EIF4E3: variants seen among roughly 807,000 people sequenced by gnomAD.
EIF4E3 encodes the protein eukaryotic translation initiation factor 4E type 3.
EIF4E3 carries 26 observed loss-of-function variants against 31.7 expected under a neutral mutation model. The ratio of observed to expected loss-of-function variants is 0.82; its 90% CI spans 0.60 to 1.14. EIF4E3 has a LOEUF of 1.14. Among genes scored for constraint, EIF4E3 ranks in the 50% most tolerant of loss-of-function variants. The pLI is 0.00. For missense variants in EIF4E3, 304 were observed against 270.9 expected (o/e 1.12, Z -0.86); for synonymous variants, 128 against 107.7 (o/e 1.19, Z -1.17).
intron 1 of EIF4E3, among the ~76,000 whole-genome samples, chr3:71,738,496 A>G (rs184495192): frequency 3.0e-4 from 46 of 152,368 alleles, no homozygotes; most frequent in African/African-American, 8.7e-4. Flanking sequence ...ATAACCCCAC[A>G]AAGTTAAGAG....
chr3:71,730,659 T>C (rs1254943723), intron 1 of EIF4E3, among the ~76,000 whole-genome samples: 1 of 152,182 alleles, frequency 6.6e-6, no homozygotes, highest in Non-Finnish European at 1.5e-5. Context: ...CTATCAGACA[T>C]TGAGTTCTCG....
At chr3:71,662,031 A>C in the EIF4E3 span, among the ~76,000 whole-genome samples, 1 of 152,224 alleles carries the variant, frequency 6.6e-6, no homozygotes, top group African/African-American at 2.4e-5. Flanking sequence ...AATTTGTAAA[A>C]GAGTCTGGCA....
At chr3:71,694,043 T>G (rs138463053) in intron 4 of EIF4E3, 102 bp from the exon 5 acceptor site, 1 of 1,174,648 alleles carries the variant, frequency 8.5e-7, no homozygotes, top group Non-Finnish European at 1.2e-6. Flanking sequence ...CAACTTCACA[T>G]GCACTTTCTG....
At chr3:71,725,568 G>T (rs1188518943), upstream of EIF4E3, among the ~76,000 whole-genome samples, 1 of 151,450 alleles carries the variant, frequency 6.6e-6, no homozygotes, top group African/African-American at 2.4e-5. The surrounding 1 kb of genome is among the most constrained non-coding windows in gnomAD (Gnocchi z 6.1). Context: ...GGCCGGGCCG[G>T]GGCCGCCGAA....
chr3:71,702,410 G>A (rs865798980), intron 2 of EIF4E3, among the ~76,000 whole-genome samples: 9 of 152,122 alleles, frequency 5.9e-5, no homozygotes, highest in African/African-American at 1.2e-4. Context: ...GTCATACCCC[G>A]GTCAAAGTTG....
the EIF4E3 span, among the ~76,000 whole-genome samples, chr3:71,660,507 G>C: frequency 6.6e-6 from 1 of 152,182 alleles, no homozygotes; most frequent in African/African-American, 2.4e-5. Flanking sequence ...TCTGAATGGA[G>C]AGAGAGCGAC....
chr3:71,722,555 T>C (rs1578373576), intron 1 of EIF4E3, among the ~76,000 whole-genome samples: 1 of 152,236 alleles, frequency 6.6e-6, no homozygotes, highest in East Asian at 1.9e-4. Context: ...GAAAAACTCT[T>C]CAGCCTGTAC....
At chr3:71,672,033 C>G (rs147279482), downstream of EIF4E3, among the ~76,000 whole-genome samples, 1 of 152,172 alleles carries the variant, frequency 6.6e-6, no homozygotes, top group South Asian at 2.1e-4. Flanking sequence ...AGGCTTATTT[C>G]GCCCTCTCAC....
chr3:71,710,378 G>T (rs765813293), intron 2 of EIF4E3, 34 bp downstream of exon 2: 4 of 1,544,114 alleles, frequency 2.6e-6, no homozygotes, highest in African/African-American at 2.7e-5. Context: ...GACGTGTGCC[G>T]TGTTAATCCA....
intron 1 of EIF4E3, among the ~76,000 whole-genome samples, chr3:71,720,279 G>A (rs1001307916): frequency 2.6e-5 from 4 of 151,756 alleles, no homozygotes; most frequent in African/African-American, 9.7e-5. Flanking sequence ...TCAGGCTCAA[G>A]CAAACATCTA....
intron 2 of EIF4E3, among the ~76,000 whole-genome samples, chr3:71,708,126 G>C (rs1430337270): frequency 6.6e-6 from 1 of 152,058 alleles, no homozygotes; most frequent in African/African-American, 2.4e-5. Flanking sequence ...CGCCCACCTT[G>C]GCCTCCCAAA....
At chr3:71,698,766 C>T (rs72949463) in intron 3 of EIF4E3, among the ~76,000 whole-genome samples, 22,305 of 152,208 alleles carry the variant, frequency 0.15, 1,752 homozygotes, top group East Asian at 0.36. Flanking sequence ...CACTTTGCCA[C>T]CTCAGATGGG....
intron 5 of EIF4E3, among the ~76,000 whole-genome samples, chr3:71,691,581 G>T (rs1191071692): frequency 6.6e-6 from 1 of 152,178 alleles, no homozygotes; most frequent in African/African-American, 2.4e-5. Flanking sequence ...GAGCAGGGGG[G>T]ATCCTGGCGG....
intron 2 of EIF4E3, among the ~76,000 whole-genome samples, chr3:71,703,530 G>T (rs1471177704): frequency 6.6e-6 from 1 of 152,132 alleles, no homozygotes; most frequent in Non-Finnish European, 1.5e-5. Flanking sequence ...ACAAAGTATG[G>T]TTAGACCCAT....
At position 71,676,062 on chromosome 3, in the gene EIF4E3, T is replaced by C. The variant is rs975787107; in HGVS notation, c.*8620A>G. The C allele has an allele frequency of 7.2e-5, 11 of 152,234 alleles. No individual in the cohort carries two copies. The highest frequency in any genetic ancestry group is 2.7e-4 in the African/African-American group (11 of 41,462). The allele number at this position is 152,234 out of a possible 1,614,324, so 9.4% of individuals were successfully genotyped here. ...AACTCCATACATGCTATTGTTATTG[T>C]GGATATTATAGCTATGGACAGAGCC... On this transcript the variant is annotated 3_prime_UTR_variant, in exon 7 of 7. Transcript: ENST00000425534.
chr3:71,691,999 A>T (rs1313996977), intron 5 of EIF4E3, among the ~76,000 whole-genome samples: 1 of 152,204 alleles, frequency 6.6e-6, no homozygotes, highest in African/African-American at 2.4e-5. Context: ...CCTATTGGTC[A>T]AAGCGTAATG....
At position 71,696,529 on chromosome 3, in the gene EIF4E3, A is replaced by G. The variant is rs777344087; in HGVS notation, c.345-9T>C. 30 of 1,614,000 alleles carry G rather than the reference A, an allele frequency of 1.9e-5. 1 individual carries two copies. The highest frequency in any genetic ancestry group is 1.0e-5 in the Non-Finnish European group (12 of 1,180,026). ...CATTACTCTCCTCTTCCCTGGGCCA[A>G]AGACCAACGTTTAAAGTTACACTCA... On this transcript the variant is annotated splice_polypyrimidine_tract_variant and intron_variant, in intron 3 of 6. Transcript: ENST00000425534.
chr3:71,750,151 T>G (rs755280389), intron 1 of EIF4E3, among the ~76,000 whole-genome samples: 2 of 152,242 alleles, frequency 1.3e-5, no homozygotes, highest in Non-Finnish European at 2.9e-5. Context: ...TTTTGTGTCC[T>G]TTTCTGAAAA....
At chr3:71,725,958 AG>A (rs2108126367), upstream of EIF4E3, among the ~76,000 whole-genome samples, 2 of 152,252 alleles carry the variant, frequency 1.3e-5, no homozygotes, top group South Asian at 4.1e-4. The surrounding 1 kb of genome is among the most constrained non-coding windows in gnomAD (Gnocchi z 6.1). Flanking sequence ...ATAAATGGAG[AG>A]GGGAACCGAT....
Sources: gnomAD v4.1 joint callset for allele counts (sites outside exome capture counted in the v4.1 genomes callset) on GRCh38, gnomAD v4.1.1 for gene constraint, Gnocchi (gnomAD v3.1) non-coding constraint, MANE v1.5 for transcripts, NCBI Gene and HGNC (gene_info 2026-07-23, HGNC 2026-07-21) for gene names.